Variants in MUCL1 observed in about 807,000 individuals in gnomAD.
The protein encoded by MUCL1 is mucin like 1, also known as mucin-like protein 1.
A neutral mutation model predicts 9.2 loss-of-function variants in MUCL1; 11 were observed. The ratio of observed to expected loss-of-function variants is 1.19; its 90% CI spans 0.75 to 1.97. The LOEUF (loss-of-function observed/expected upper bound fraction) is 1.97. Among genes scored for constraint, MUCL1 ranks in the 30% most tolerant of loss-of-function variants. The pLI is 0.00. For missense variants in MUCL1, 144 were observed against 110.9 expected (o/e 1.30, Z -1.34); for synonymous variants, 48 against 40.5 (o/e 1.19, Z -0.71).
chr12:54,855,393 C>A, intron 2 of MUCL1: 1 of 500,686 alleles, frequency 2.0e-6, no homozygotes. Flanking sequence ...CAAATGTGGA[C>A]TTATTATTCA....
chr12:54,836,394 T>G (rs1293071981), upstream of MUCL1, among the ~76,000 whole-genome samples: 1 of 152,186 alleles, frequency 6.6e-6, no homozygotes, highest in Non-Finnish European at 1.5e-5. Context: ...GGTGTTATAG[T>G]AATCTTGAAT....
In MUCL1 at chr12:54,855,101, C is replaced by T. The variant is rs1868289126; in HGVS notation, c.59-15C>T. ...TATTCAGCTAACATCTTAATTTTTCCTTCTTCTCTTTCAGAGAATCCGACA... is the reference window on the plus strand; with the variant it reads ...TATTCAGCTAACATCTTAATTTTTCTTTCTTCTCTTTCAGAGAATCCGACA... On this transcript the variant is annotated splice_polypyrimidine_tract_variant and intron_variant, in intron 1 of 3. Coordinates refer to ENST00000308796, the MANE Select transcript of MUCL1 (RefSeq NM_058173.3). The T allele has an allele frequency of 6.2e-7, 1 of 1,612,280 alleles. No individual in the cohort carries two copies. Among genetic ancestry groups the T allele is most frequent in the Non-Finnish European group, 8.5e-7 (1 of 1,179,094 alleles).
chr12:54,858,280 C>T lies in MUCL1; in HGVS notation c.*38C>T. On this transcript the variant is annotated 3_prime_UTR_variant, in exon 4 of 4. Transcript: ENST00000308796. Reference sequence around the variant, plus strand: ...TTGAGTCTTCTGCAATTGGTCACAACTATTCATGCTTCCTGTGATTTCATC... The same window carrying T: ...TTGAGTCTTCTGCAATTGGTCACAATTATTCATGCTTCCTGTGATTTCATC... 4 of 1,611,320 alleles carry T rather than the reference C, an allele frequency of 2.5e-6. No homozygotes were observed. The highest frequency in any genetic ancestry group is 3.4e-6 in the Non-Finnish European group (4 of 1,177,664).
chr12:54,849,105 T>C (rs1422287573), intron 1 of MUCL1, among the ~76,000 whole-genome samples: 1 of 152,062 alleles, frequency 6.6e-6, no homozygotes, highest in Non-Finnish European at 1.5e-5. Flanking sequence ...TAAGAAGTAG[T>C]GTTGAGTGCA....
At chr12:54,853,500 C>T (rs78453621), upstream of MUCL1, among the ~76,000 whole-genome samples, 2,801 of 152,276 alleles carry the variant, frequency 0.018, 86 homozygotes, top group African/African-American at 0.064. Context: ...TTCAGACTGA[C>T]CATTTCCTTT....
Position 54,854,551 on chromosome 12 carries a change from T to G in MUCL1, c.-32T>G, listed in dbSNP as rs767014203. 1 of 1,597,412 alleles carries G rather than the reference T, an allele frequency of 6.3e-7. No homozygotes were observed. The highest frequency in any genetic ancestry group is 8.6e-7 in the Non-Finnish European group (1 of 1,168,288). On this transcript the variant is annotated 5_prime_UTR_variant, in exon 1 of 4. Coordinates refer to ENST00000308796, the MANE Select transcript of MUCL1 (RefSeq NM_058173.3). ...CTTCTCTTAGGCTTTGAAGCATTTTTGTCTGTGCTCCCTGATCTTCAGGTC... is the reference window on the plus strand; with the variant it reads ...CTTCTCTTAGGCTTTGAAGCATTTTGGTCTGTGCTCCCTGATCTTCAGGTC...
chr12:54,837,798 T>C (rs1017417794), upstream of MUCL1, among the ~76,000 whole-genome samples: 1 of 151,990 alleles, frequency 6.6e-6, no homozygotes, highest in Non-Finnish European at 1.5e-5. Context: ...ACAAAAAAAA[T>C]CAATGCTTAT....
rs1042008202 is a variant in MUCL1, at chr12:54,858,367, A to C, written c.*125A>C. On this transcript the variant is annotated 3_prime_UTR_variant, in exon 4 of 4. Coordinates refer to ENST00000308796, the MANE Select transcript of MUCL1 (RefSeq NM_058173.3). ...CTAATCAGTTTATTTTCTTTCAAAT[A>C]AAAAATAACTATGAGCAACATAAAA... 98 of 1,225,206 alleles carry C rather than the reference A, an allele frequency of 8.0e-5. No individual in the cohort carries two copies. Among genetic ancestry groups the C allele is most frequent in the Middle Eastern group, 3.8e-4 (2 of 5,232 alleles). 75.9% of individuals were successfully genotyped at this position (1,225,206 alleles called of 1,614,324 possible).
Position 54,854,532 on chromosome 12 carries a change from T to C in MUCL1, c.-51T>C, listed in dbSNP as rs999651076. ...CCTGAAGTCAGCGCCTTGCCTTCTC[T>C]TAGGCTTTGAAGCATTTTTGTCTGT... On this transcript the variant is annotated 5_prime_UTR_variant, in exon 1 of 4. Transcript: ENST00000308796. The C allele has an allele frequency of 1.3e-6, 2 of 1,517,788 alleles. No individual in the cohort carries two copies. Among genetic ancestry groups the C allele is most frequent in the African/African-American group, 2.8e-5 (2 of 72,454 alleles). The allele number at this position is 1,517,788 out of a possible 1,614,324, so 94.0% of individuals were successfully genotyped here.
chr12:54,852,062 G>A (rs1464295039), upstream of MUCL1, among the ~76,000 whole-genome samples: 2 of 152,158 alleles, frequency 1.3e-5, no homozygotes, highest in African/African-American at 2.4e-5. Flanking sequence ...AATCAATATT[G>A]TGAAAATGGC....
At chr12:54,854,047 A>T (rs1373044847), upstream of MUCL1, among the ~76,000 whole-genome samples, 2 of 147,240 alleles carry the variant, frequency 1.4e-5, no homozygotes, top group Non-Finnish European at 3.0e-5. Flanking sequence ...GAGGGAGGCC[A>T]TGACTCGAAG....
upstream of MUCL1, among the ~76,000 whole-genome samples, chr12:54,834,464 A>G (rs562087093): frequency 3.3e-5 from 5 of 152,140 alleles, no homozygotes; most frequent in Admixed American, 1.3e-4. Flanking sequence ...GTGCAATTTT[A>G]TTGTATTTTA....
upstream of MUCL1, among the ~76,000 whole-genome samples, chr12:54,851,803 C>T (rs1296806495): frequency 6.6e-6 from 1 of 152,170 alleles, no homozygotes; most frequent in African/African-American, 2.4e-5. Context: ...TAAGCAACTT[C>T]AGCAAAGTCT....
chr12:54,852,354 A>C (rs1051364194), upstream of MUCL1, among the ~76,000 whole-genome samples: 14 of 152,214 alleles, frequency 9.2e-5, no homozygotes, highest in African/African-American at 3.4e-4. Context: ...ATAATGCCAC[A>C]CATCTACAAC....
chr12:54,856,963 A>C (rs1051488581), intron 3 of MUCL1, 71 bp downstream of exon 3: 5 of 1,602,182 alleles, frequency 3.1e-6, no homozygotes, highest in Non-Finnish European at 4.3e-6. Flanking sequence ...CTATTCTCAC[A>C]GAGACTCTAT....
chr12:54,854,254 C>A (rs1048766254), upstream of MUCL1, among the ~76,000 whole-genome samples: 1 of 152,184 alleles, frequency 6.6e-6, no homozygotes, highest in South Asian at 2.1e-4. Flanking sequence ...ATTATGGAGA[C>A]ACTATACCCT....
intron 1 of MUCL1, among the ~76,000 whole-genome samples, chr12:54,848,438 T>C (rs1258552073): frequency 1.3e-5 from 2 of 152,320 alleles, no homozygotes; most frequent in African/African-American, 4.8e-5. Flanking sequence ...TTTCAAATTG[T>C]TTAATGTAGA....
chr12:54,853,944 T>C (rs1212001241), upstream of MUCL1, among the ~76,000 whole-genome samples: 6 of 152,236 alleles, frequency 3.9e-5, no homozygotes, highest in Admixed American at 3.9e-4. Context: ...ATACAATGGT[T>C]GCTAAATCCA....
At chr12:54,831,312 C>A (rs1361108472) in intron 1 of MUCL1, among the ~76,000 whole-genome samples, 1 of 152,086 alleles carries the variant, frequency 6.6e-6, no homozygotes, top group Non-Finnish European at 1.5e-5. Context: ...ATTCCTAAAA[C>A]TCACAGAAAT....
Sources: allele counts gnomAD v4.1 joint callset (sites outside exome capture counted in the v4.1 genomes callset), GRCh38; gene constraint gnomAD v4.1.1; transcripts MANE v1.5; gene names NCBI Gene and HGNC (gene_info 2026-07-23, HGNC 2026-07-21).